Variants in STXBP5L observed in about 807,000 individuals in gnomAD.
STXBP5L encodes the protein syntaxin-binding protein 5-like.
In STXBP5L, 65 loss-of-function variants were observed where a neutral mutation model predicts 144.5. The observed-to-expected ratio is 0.45, with a 90% CI of 0.37 to 0.55. The LOEUF is 0.55. Among genes scored for constraint, STXBP5L ranks in the 20% least tolerant of loss-of-function variants. STXBP5L has a pLI of 0.00. For synonymous variants in STXBP5L, 505 were observed against 469.6 expected (o/e 1.08, Z -0.97); for missense variants, 1,298 against 1,405.5 (o/e 0.92, Z 1.22).
intron 20 of STXBP5L, among the ~76,000 whole-genome samples, chr3:121,375,481 T>C (rs2046154539): frequency 6.6e-6 from 1 of 152,200 alleles, no homozygotes; most frequent in Admixed American, 6.5e-5. Flanking sequence ...ATTCTGATTA[T>C]TACGTATGTG....
At chr3:121,406,755 C>G (rs2047001474) in intron 22 of STXBP5L, among the ~76,000 whole-genome samples, 1 of 151,772 alleles carries the variant, frequency 6.6e-6, no homozygotes, top group Non-Finnish European at 1.5e-5. Flanking sequence ...CATTTTCTAG[C>G]AAATTAGTCT....
rs1362950748 is a variant in STXBP5L, at chr3:121,106,637, C to T, written c.471-8288C>T. 2.0e-5 allele frequency among the ~76,000 whole-genome samples: 3 copies of T among 152,120 alleles called. No homozygotes were observed. In the East Asian group the frequency reaches 5.8e-4, roughly 29 times the overall value. On this transcript the variant is annotated intron_variant, in intron 5 of 26. Transcript: ENST00000471454. ...ATGTATCATATTTTCTTTATCCAGA[C>T]TATCATTGATGGGCATTTGGGTTGA...
chr3:120,964,064 T>C (rs1576504214), intron 3 of STXBP5L, among the ~76,000 whole-genome samples: 2 of 152,014 alleles, frequency 1.3e-5, no homozygotes, highest in African/African-American at 2.4e-5. Context: ...TTGCATAGAG[T>C]TGTTTACAGT....
chr3:121,195,590 G>A (rs1177562421), intron 9 of STXBP5L, among the ~76,000 whole-genome samples: 3 of 152,152 alleles, frequency 2.0e-5, no homozygotes, highest in Admixed American at 1.3e-4. Context: ...TGTCATAAAT[G>A]TCAGGATTTA....
At chr3:121,400,100 A>G (rs2046835023) in intron 22 of STXBP5L, among the ~76,000 whole-genome samples, 1 of 152,212 alleles carries the variant, frequency 6.6e-6, no homozygotes, top group Non-Finnish European at 1.5e-5. Flanking sequence ...CTCTGCTCTT[A>G]AAGTCTTAAA....
intron 20 of STXBP5L, among the ~76,000 whole-genome samples, chr3:121,343,115 T>G (rs1167281462): frequency 6.6e-6 from 1 of 152,188 alleles, no homozygotes; most frequent in Non-Finnish European, 1.5e-5. Context: ...GAGCATTTTT[T>G]CCTGTGTTTT....
chr3:121,203,725 A>C (rs1052634740), intron 9 of STXBP5L, among the ~76,000 whole-genome samples: 1 of 152,186 alleles, frequency 6.6e-6, no homozygotes, highest in African/African-American at 2.4e-5. Context: ...GATGACTCTG[A>C]TGTATATTGA....
chr3:121,100,081 A>G (rs1230833942), intron 5 of STXBP5L, among the ~76,000 whole-genome samples: 1 of 152,212 alleles, frequency 6.6e-6, no homozygotes, highest in Non-Finnish European at 1.5e-5. Flanking sequence ...CCCAAATTGG[A>G]GCACCCAGAT....
rs1379738728 is a variant in STXBP5L at position 121,407,538 on chromosome 3, G to A, written c.2883G>A (p.Val961=). Residue 961 remains valine (V), a synonymous_variant, in exon 23 of 27, where the codon GTG becomes GTA. Transcript: ENST00000471454. The part of the protein sequence containing the change: ...TETSFILQAN[V]VVMCSSACLA... ...CATCTTTTATACTGCAAGCAAATGT[G>A]GTGGTCATGTGTAGCAGTGCCTGCT... 2.5e-6 allele frequency: 4 copies of A among 1,613,332 alleles called. No homozygotes were observed. In the South Asian group the frequency reaches 4.4e-5, roughly 18 times the overall value.
intron 3 of STXBP5L, among the ~76,000 whole-genome samples, chr3:121,002,122 C>G (rs186729246): frequency 3.3e-5 from 5 of 152,182 alleles, no homozygotes; most frequent in African/African-American, 1.2e-4. Flanking sequence ...ATTTGAGGAT[C>G]CTTTTTACTG....
chr3:121,228,441 A>G (rs1476214876), intron 11 of STXBP5L, among the ~76,000 whole-genome samples: 2 of 152,232 alleles, frequency 1.3e-5, no homozygotes, highest in South Asian at 2.1e-4. Context: ...GACCTTCAGG[A>G]TAAAAGTAAA....
intron 5 of STXBP5L, among the ~76,000 whole-genome samples, chr3:121,105,561 T>C (rs1013898809): frequency 1.3e-5 from 2 of 152,078 alleles, no homozygotes; most frequent in Admixed American, 6.6e-5. Context: ...AGAATAGGCG[T>C]TGGCGTGGAT....
In STXBP5L at chr3:121,421,499, T is replaced by A. The variant is rs1365347741; in HGVS notation, c.*2402T>A. 2.6e-5 allele frequency: 4 copies of A among 152,136 alleles called. No individual in the cohort carries two copies. The East Asian group carries it at 5.8e-4, about 22-fold the overall frequency. 9.4% of individuals were successfully genotyped at this position (152,136 alleles called of 1,614,324 possible). ...AAATGTCTCCAGTCATTGCCAAAAT[T>A]TCTCCCAGTTCACAGCCACTATTCT... is the stretch of plus-strand genomic sequence containing the variant. On this transcript the variant is annotated 3_prime_UTR_variant, in exon 27 of 27. Coordinates refer to ENST00000471454, the MANE Select transcript of STXBP5L (RefSeq NM_001308330.2).
chr3:120,960,306 T>C (rs1292918390), intron 3 of STXBP5L, among the ~76,000 whole-genome samples: 1 of 152,302 alleles, frequency 6.6e-6, no homozygotes, highest in East Asian at 1.9e-4. Context: ...TTTACACTGT[T>C]GGTGGGACTG....
chr3:120,920,324 A>C (rs1209864678), intron 2 of STXBP5L, among the ~76,000 whole-genome samples: 1 of 123,700 alleles, frequency 8.1e-6, no homozygotes. Context: ...TTGAAAAATG[A>C]TTTGGGGTAC....
At chr3:121,081,790 G>A (rs1463499486) in intron 5 of STXBP5L, among the ~76,000 whole-genome samples, 1 of 152,174 alleles carries the variant, frequency 6.6e-6, no homozygotes, top group African/African-American at 2.4e-5. Context: ...TTGGCTGGGG[G>A]AGCTCTCAAT....
chr3:120,962,377 C>A (rs1170886731), intron 3 of STXBP5L, among the ~76,000 whole-genome samples: 2 of 152,110 alleles, frequency 1.3e-5, no homozygotes, highest in South Asian at 4.1e-4. Context: ...ATGGTATTGC[C>A]TAGGTTTTCT....
chr3:121,273,299 G>T (rs1177563061), intron 18 of STXBP5L, among the ~76,000 whole-genome samples: 7 of 144,752 alleles, frequency 4.8e-5, no homozygotes, highest in East Asian at 2.0e-4. Flanking sequence ...TTGGATGGCA[G>T]TTTTTTTTTT....
chr3:121,323,485 CA>C (rs2044044268), intron 20 of STXBP5L, among the ~76,000 whole-genome samples: 2 of 152,070 alleles, frequency 1.3e-5, no homozygotes, highest in Admixed American at 1.3e-4. Context: ...GAGGATAATA[CA>C]GGAGAAAAGA....
Sources: gnomAD v4.1 joint callset for allele counts (sites outside exome capture counted in the v4.1 genomes callset) on GRCh38, gnomAD v4.1.1 for gene constraint, MANE v1.5 for transcripts, NCBI Gene and HGNC (gene_info 2026-07-23, HGNC 2026-07-21) for gene names.